Variants in CUEDC1 observed in about 807,000 individuals in gnomAD.
The protein encoded by CUEDC1 is CUE domain-containing protein 1.
CUEDC1 carries 30 observed loss-of-function variants against 43.7 expected under a neutral mutation model. The observed-to-expected ratio is 0.69, with a 90% CI of 0.51 to 0.93. The LOEUF (loss-of-function observed/expected upper bound fraction) is 0.93. Among genes scored for constraint, CUEDC1 ranks in the 40% least tolerant of loss-of-function variants. The pLI, the probability that CUEDC1 is intolerant of heterozygous loss-of-function variation, is 0.00. For synonymous variants in CUEDC1, 223 were observed against 223.6 expected (o/e 1.00, Z 0.02); for missense variants, 486 against 549.0 (o/e 0.89, Z 1.15).
intron 1 of CUEDC1, among the ~76,000 whole-genome samples, chr17:57,924,685 G>T (rs190498160): frequency 6.6e-6 from 1 of 152,038 alleles, no homozygotes; most frequent in Admixed American, 6.6e-5. Flanking sequence ...GTCAAAGGGC[G>T]CTCAAATGAG....
At chr17:57,907,357 C>A (rs2074539624) in intron 1 of CUEDC1, among the ~76,000 whole-genome samples, 1 of 152,088 alleles carries the variant, frequency 6.6e-6, no homozygotes, top group African/African-American at 2.4e-5. Flanking sequence ...AGGAAGTGGG[C>A]AGGAGAGGCT....
intron 2 of CUEDC1, among the ~76,000 whole-genome samples, chr17:57,884,021 A>C (rs1224846243): frequency 6.6e-6 from 1 of 151,952 alleles, no homozygotes; most frequent in East Asian, 1.9e-4. Flanking sequence ...GTGGGTACTG[A>C]TGCAGTACGC....
In CUEDC1 at chr17:57,949,432, C is replaced by A. The variant is rs1038283830; in HGVS notation, c.-316+5793G>T. The stretch of plus-strand genomic sequence containing the variant: ...GCAGACTCTGTTAAGCTGAACCCTC[C>A]AGGCATGTTCCAACGATGCCTGGAC... On this transcript the variant is annotated intron_variant, in intron 1 of 10. Coordinates refer to ENST00000577830, the MANE Select transcript of CUEDC1 (RefSeq NM_001271875.2). 3.9e-5 allele frequency among the ~76,000 whole-genome samples: 6 copies of A among 152,188 alleles called. No homozygotes were observed. In the South Asian group the frequency reaches 1.2e-3, roughly 32 times the overall value.
In CUEDC1 at chr17:57,929,597, G is replaced by C. The variant is rs550355727; in HGVS notation, c.-316+25628C>G. Among the ~76,000 whole-genome samples the C allele has an allele frequency of 1.5e-4, 23 of 152,334 alleles. No individual in the cohort carries two copies. The East Asian group carries it at 4.0e-3, about 27-fold the overall frequency. Reference sequence around the variant, plus strand: ...GTATAGACCAGTCTGGATGTTCTCAGACTGGCTCAGACTGGTCATGCTCAT... The same window carrying C: ...GTATAGACCAGTCTGGATGTTCTCACACTGGCTCAGACTGGTCATGCTCAT... On this transcript the variant is annotated intron_variant, in intron 1 of 10. Transcript: ENST00000577830.
rs534448152 is a variant in CUEDC1, at chr17:57,871,793, G to A, written c.785-424C>T. Among the ~76,000 whole-genome samples, 8 of 152,292 alleles carry A rather than the reference G, an allele frequency of 5.3e-5. No individual in the cohort carries two copies. The East Asian group carries it at 7.7e-4, about 15-fold the overall frequency. On this transcript the variant is annotated intron_variant, in intron 5 of 10. Transcript: ENST00000577830. ...ACAAAAATCAGCCAGGTGCGGTGGC[G>A]TGCGCCTATAATCCCAGCTACTTGA... is the stretch of plus-strand genomic sequence containing the variant.
chr17:57,878,125 A>G (rs1287404361), intron 3 of CUEDC1, among the ~76,000 whole-genome samples: 4 of 152,080 alleles, frequency 2.6e-5, no homozygotes, highest in African/African-American at 7.2e-5. Flanking sequence ...CTAGGACTCT[A>G]TGAGCTCCGT....
At chr17:57,867,201 G>A in intron 9 of CUEDC1, 156 bp downstream of exon 9, 1 of 704,898 alleles carries the variant, frequency 1.4e-6, no homozygotes, top group Non-Finnish European at 2.5e-6. Flanking sequence ...TGTCGACCAA[G>A]TCAGGGGGAT....
chr17:57,925,285 G>A lies in CUEDC1; in HGVS notation c.-316+29940C>T, dbSNP rs184241494. Among the ~76,000 whole-genome samples, 239 of 152,220 alleles carry A rather than the reference G, an allele frequency of 1.6e-3. 2 individuals carry two copies. Among genetic ancestry groups the A allele is most frequent in the African/African-American group, 5.6e-3 (232 of 41,526 alleles). ...GGGGAACACATTCTGACTAAAATCC[G>A]TGTGACTGAGAAGTCAGGATGAAGA... On this transcript the variant is annotated intron_variant, in intron 1 of 10. Transcript: ENST00000577830.
At chr17:57,939,532 G>C (rs1415234935) in intron 1 of CUEDC1, among the ~76,000 whole-genome samples, 1 of 150,378 alleles carries the variant, frequency 6.6e-6, no homozygotes. Flanking sequence ...CTCCCACCTT[G>C]GCCCCCCAGA....
At chr17:57,917,980 C>G (rs1396783609) in intron 1 of CUEDC1, among the ~76,000 whole-genome samples, 1 of 151,896 alleles carries the variant, frequency 6.6e-6, no homozygotes, top group Non-Finnish European at 1.5e-5. Context: ...AGTTTACCCC[C>G]TCAACAAGGT....
intron 1 of CUEDC1, among the ~76,000 whole-genome samples, chr17:57,901,735 C>T (rs185372637): frequency 3.3e-5 from 5 of 152,346 alleles, no homozygotes; most frequent in Non-Finnish European, 7.3e-5. Flanking sequence ...GCCGGAACGG[C>T]CCCAGCCTAC....
intron 2 of CUEDC1, among the ~76,000 whole-genome samples, chr17:57,880,692 C>T (rs558707437): frequency 4.1e-4 from 62 of 152,296 alleles, no homozygotes; most frequent in Middle Eastern, 3.4e-3. Context: ...TGGCACACTC[C>T]GCAGACATCA....
chr17:57,866,344 C>T (rs2073957339), intron 10 of CUEDC1, 130 bp downstream of exon 10: 5 of 698,916 alleles, frequency 7.2e-6, no homozygotes, highest in South Asian at 1.8e-5. Context: ...TGAGGGAAGA[C>T]ACGTGGGGCC....
chr17:57,934,938 G>A (rs778623119), intron 1 of CUEDC1, among the ~76,000 whole-genome samples: 15 of 151,888 alleles, frequency 9.9e-5, no homozygotes, highest in Non-Finnish European at 1.9e-4. Context: ...GAACTCCTGA[G>A]CTCAGGTGAT....
At chr17:57,942,248 C>T (rs542526312) in intron 1 of CUEDC1, among the ~76,000 whole-genome samples, 1 of 152,256 alleles carries the variant, frequency 6.6e-6, no homozygotes, top group South Asian at 2.1e-4. Flanking sequence ...GAGAACAGGA[C>T]TTTTCCTAAG....
chr17:57,916,692 G>A (rs1199519770), intron 1 of CUEDC1, among the ~76,000 whole-genome samples: 1 of 152,022 alleles, frequency 6.6e-6, no homozygotes, highest in East Asian at 1.9e-4. Context: ...CAGCAGCCTC[G>A]CCCACCCCCA....
intron 1 of CUEDC1, among the ~76,000 whole-genome samples, chr17:57,949,196 G>A (rs2074983293): frequency 1.3e-5 from 2 of 152,160 alleles, no homozygotes; most frequent in South Asian, 2.1e-4. Flanking sequence ...AGCCTTCCCT[G>A]CCCCAACTCC....
chr17:57,902,453 C>T (rs1264577909), intron 1 of CUEDC1, among the ~76,000 whole-genome samples: 1 of 152,106 alleles, frequency 6.6e-6, no homozygotes, highest in Non-Finnish European at 1.5e-5. Context: ...ATTAGCAGAC[C>T]CACAGCCCGG....
At chr17:57,868,579 C>T (rs1210898167) in intron 7 of CUEDC1, 2 of 374,708 alleles carry the variant, frequency 5.3e-6, no homozygotes, top group South Asian at 2.8e-5. Context: ...CCGCCGCCAC[C>T]GCCTTCCCGC....
Sources: allele counts gnomAD v4.1 joint callset (sites outside exome capture counted in the v4.1 genomes callset), GRCh38; gene constraint gnomAD v4.1.1; transcripts MANE v1.5; gene names NCBI Gene and HGNC (gene_info 2026-07-23, HGNC 2026-07-21).